The following USP25 variants were observed in gnomAD, a reference collection of about 807,000 sequenced individuals.
The protein encoded by USP25 is ubiquitin carboxyl-terminal hydrolase 25.
A neutral mutation model predicts 158.5 loss-of-function variants in USP25; 85 were observed. That is an observed-to-expected ratio of 0.54 (90% CI 0.45 to 0.64). The LOEUF (loss-of-function observed/expected upper bound fraction) is 0.64, where lower values mean the gene tolerates loss of function less well. USP25 is among the 30% of genes least tolerant of loss of function. The pLI, the probability that USP25 is intolerant of heterozygous loss-of-function variation, is 0.00. For missense variants in USP25, 1,242 were observed against 1,327.3 expected, an observed-to-expected ratio of 0.94 and a Z score of 1.00; for synonymous variants, 464 against 460.4, an observed-to-expected ratio of 1.01 and a Z score of -0.10.
At chr21:15,865,344 C>CA (rs1036058355) in intron 21 of USP25, among the ~76,000 whole-genome samples, 9 of 151,970 alleles carry the variant, frequency 5.9e-5, no homozygotes, top group Admixed American at 2.6e-4. Context: ...ATGAGTGTCT[C>CA]AAAAATACTG....
chr21:15,852,834 A>G (rs1453193866), intron 20 of USP25, among the ~76,000 whole-genome samples: 2 of 152,148 alleles, frequency 1.3e-5, no homozygotes, highest in Non-Finnish European at 2.9e-5. Flanking sequence ...ATTTGCACCT[A>G]TCTGTGATTG....
chr21:15,801,903 C>T (rs1432797171), intron 6 of USP25, among the ~76,000 whole-genome samples: 5 of 151,390 alleles, frequency 3.3e-5, no homozygotes, highest in Non-Finnish European at 7.4e-5. Context: ...GTAGACTTGG[C>T]AATTGCTTGT....
rs370568281 is a variant in USP25 at position 15,730,425 on chromosome 21, G to T, written c.32G>T (p.Ser11Ile). 25 of 1,364,940 alleles carry T rather than the reference G, an allele frequency of 1.8e-5. No homozygotes were observed. 84.6% of individuals were successfully genotyped at this position (1,364,940 alleles called of 1,614,324 possible). A position where few individuals can be genotyped will look rare whatever the true frequency, so the allele number is the denominator to read the frequency against. Residue 11 changes from serine (S) to isoleucine (I), a missense_variant, in exon 1 of 26, where the codon AGC (serine) becomes ATC (isoleucine). By Grantham distance (142) the Ser-to-Ile change is moderately radical. Coordinates refer to ENST00000400183, the MANE Select transcript of USP25 (RefSeq NM_001283041.3). MTVEQNVLQQ[S>I]AAQKHQQTFL... ...GTGGAGCAGAACGTGCTGCAGCAGAGCGCGGCGCAGAAGGTGAGGCGAGTC... is the reference window on the plus strand; with the variant it reads ...GTGGAGCAGAACGTGCTGCAGCAGATCGCGGCGCAGAAGGTGAGGCGAGTC...
At chr21:15,854,335 G>A (rs764310477) in intron 20 of USP25, among the ~76,000 whole-genome samples, 6 of 151,908 alleles carry the variant, frequency 3.9e-5, no homozygotes, top group Non-Finnish European at 7.4e-5. Flanking sequence ...TAGTAGAGAC[G>A]GGGTTTCACC....
rs1305289231 is a variant in USP25, at chr21:15,847,716, G to T, written c.2391G>T (p.Val797=). 3.2e-6 allele frequency: 5 copies of T among 1,550,072 alleles called. No individual in the cohort carries two copies. The East Asian group carries it at 1.2e-4, about 38-fold the overall frequency. Reference sequence around the variant, plus strand: ...TTTCTAATCAGCGAGTTGTAGAGGTGGCGATCCCTCATGTAGGGAAATTTA... The same window carrying T: ...TTTCTAATCAGCGAGTTGTAGAGGTTGCGATCCCTCATGTAGGGAAATTTA... ...QPLSNQRVVE[V]AIPHVGKFMI... is the part of the protein sequence containing the mutation. The change falls in exon 19 of 26, where the codon GTG becomes GTT. Residue 797 remains valine (V), a synonymous_variant. Coordinates refer to ENST00000400183, the MANE Select transcript of USP25 (RefSeq NM_001283041.3).
chr21:15,740,355 A>G (rs919359503), intron 1 of USP25, among the ~76,000 whole-genome samples: 8 of 152,202 alleles, frequency 5.3e-5, no homozygotes, highest in African/African-American at 1.9e-4. Context: ...AATTATCACA[A>G]TACACCAAAT....
chr21:15,745,712 G>A (rs541081227), intron 1 of USP25, among the ~76,000 whole-genome samples: 2 of 152,092 alleles, frequency 1.3e-5, no homozygotes, highest in Non-Finnish European at 2.9e-5. Flanking sequence ...GCGACCTCAG[G>A]TGATCCGCCC....
At chr21:15,868,156 A>G (rs192910091) in intron 22 of USP25, among the ~76,000 whole-genome samples, 2 of 152,324 alleles carry the variant, frequency 1.3e-5, no homozygotes, top group Admixed American at 1.3e-4. Context: ...AATTCATTTC[A>G]ATTGTGAAAG....
rs1412596890 is a variant in USP25 at position 15,833,455 on chromosome 21, G to C, written c.2101G>C (p.Glu701Gln). 1 of 1,613,954 alleles carries C rather than the reference G, an allele frequency of 6.2e-7. No homozygotes were observed. Among genetic ancestry groups the C allele is most frequent in the Non-Finnish European group, 8.5e-7 (1 of 1,179,982 alleles). The part of the protein sequence containing the change: ...EDNQRFEKEL[E>Q]EWDAQLAQKA... ...CAACCAACGATTTGAAAAAGAACTA[G>C]AAGAATGGGATGCACAACTTGCCCA... The change falls in exon 17 of 26, where the codon GAA (glutamate) becomes CAA (glutamine). Residue 701 changes from glutamate (E) to glutamine (Q), a missense_variant. By Grantham distance (29) the Glu-to-Gln change is conservative (BLOSUM62 2). Coordinates refer to ENST00000400183, the MANE Select transcript of USP25 (RefSeq NM_001283041.3).
At chr21:15,831,965 C>G (rs1397296180) in intron 16 of USP25, among the ~76,000 whole-genome samples, 2 of 152,200 alleles carry the variant, frequency 1.3e-5, no homozygotes, top group Non-Finnish European at 2.9e-5. Context: ...TATCTCCCCA[C>G]CTTCATTGAT....
At chr21:15,847,340 T>G (rs1281075948) in intron 18 of USP25, among the ~76,000 whole-genome samples, 1 of 152,134 alleles carries the variant, frequency 6.6e-6, no homozygotes, top group Non-Finnish European at 1.5e-5. Context: ...CAGGGAAAAA[T>G]GTAATGATAT....
At position 15,799,938 on chromosome 21, in the gene USP25, T is replaced by C. The variant is rs2036048782; in HGVS notation, c.642+95T>C. On this transcript the variant is annotated intron_variant, in intron 6 of 25. Transcript: ENST00000400183. Reference sequence around the variant, plus strand: ...GGGCATTTACTTGGCTCATCAAATCTGAAACTGTCAATTTGAATGTCAATT... The same window carrying C: ...GGGCATTTACTTGGCTCATCAAATCCGAAACTGTCAATTTGAATGTCAATT... 3 of 640,260 alleles carry C rather than the reference T, an allele frequency of 4.7e-6. No individual in the cohort carries two copies. In the East Asian group the frequency reaches 9.3e-5, roughly 20 times the overall value. 39.7% of individuals were successfully genotyped at this position (640,260 alleles called of 1,614,324 possible).
chr21:15,808,749 A>AACAT, intron 7 of USP25, 60 bp from the exon 8 acceptor site: 1 of 1,297,856 alleles, frequency 7.7e-7, no homozygotes, highest in South Asian at 1.4e-5. Context: ...TTGATGTTAC[A>AACAT]ACATCTAGTA....
intron 8 of USP25, among the ~76,000 whole-genome samples, chr21:15,809,326 T>G (rs376192519): frequency 1.3e-5 from 2 of 152,174 alleles, no homozygotes; most frequent in African/African-American, 2.4e-5. Flanking sequence ...AAAATTATAC[T>G]GTGTCTCTAA....
At chr21:15,852,080 A>G (rs557208130) in intron 20 of USP25, among the ~76,000 whole-genome samples, 4 of 152,254 alleles carry the variant, frequency 2.6e-5, no homozygotes, top group South Asian at 2.1e-4. Flanking sequence ...ACTGTGGTTA[A>G]TAAACTTCAG....
chr21:15,878,226 A>G, intron 25 of USP25, 77 bp from the exon 26 acceptor site: 1 of 1,528,580 alleles, frequency 6.5e-7, no homozygotes, highest in Non-Finnish European at 8.8e-7. Flanking sequence ...AGAGTAAGTT[A>G]ATATTAGTAA....
chr21:15,824,461 T>G lies in USP25; in HGVS notation c.1208+295T>G, dbSNP rs535310620. ...ACATCTTATACAATTTTGAATGAAT[T>G]GATGCTTTGTGGTGATGTCTGTACT... On this transcript the variant is annotated intron_variant, in intron 11 of 25. Transcript: ENST00000400183. 2.0e-5 allele frequency among the ~76,000 whole-genome samples: 3 copies of G among 152,318 alleles called. 1 individual carries two copies. Among genetic ancestry groups the G allele is most frequent in the Admixed American group, 2.0e-4 (3 of 15,304 alleles).
chr21:15,820,110 G>A (rs2037157207), intron 10 of USP25, among the ~76,000 whole-genome samples: 1 of 151,920 alleles, frequency 6.6e-6, no homozygotes, highest in Admixed American at 6.6e-5. Context: ...TTTATTGATT[G>A]GGAAACAGAT....
intron 20 of USP25, among the ~76,000 whole-genome samples, chr21:15,853,638 A>G (rs990046080): frequency 6.6e-6 from 1 of 152,272 alleles, no homozygotes; most frequent in African/African-American, 2.4e-5. Context: ...TTTATTTTTT[A>G]AATTCAAATG....
Sources: allele counts gnomAD v4.1 joint callset (sites outside exome capture counted in the v4.1 genomes callset), GRCh38; gene constraint gnomAD v4.1.1; transcripts MANE v1.5; gene names NCBI Gene and HGNC (gene_info 2026-07-23, HGNC 2026-07-21).